Variants in KCTD8 observed in about 807,000 individuals in gnomAD.
The protein encoded by KCTD8 is potassium channel tetramerization domain containing 8, also known as BTB/POZ domain-containing protein KCTD8.
In KCTD8, 27 loss-of-function variants were observed where a neutral mutation model predicts 31.5. The observed-to-expected ratio is 0.86, with a 90% CI of 0.63 to 1.18. The LOEUF is 1.18. KCTD8 is among the 50% of genes most tolerant of loss of function. The probability of loss-of-function intolerance (pLI) is 0.00; values close to 1 mark genes in which losing one functional copy is unlikely to be tolerated. For synonymous variants in KCTD8, 290 were observed against 280.0 expected, an observed-to-expected ratio of 1.04 and a Z score of -0.36; for missense variants, 658 against 647.7, an observed-to-expected ratio of 1.02 and a Z score of -0.17.
intron 1 of KCTD8, among the ~76,000 whole-genome samples, chr4:44,182,611 G>C (rs569028529): frequency 0.017 from 2,573 of 152,008 alleles, 76 homozygotes; most frequent in African/African-American, 0.059. Flanking sequence ...AGAGTCATCA[G>C]CACTCCCTAA....
At chr4:44,263,499 T>C (rs1222854487) in intron 1 of KCTD8, among the ~76,000 whole-genome samples, 3 of 152,190 alleles carry the variant, frequency 2.0e-5, no homozygotes. Flanking sequence ...TGCATTTGTA[T>C]TGTCTACAGA....
At chr4:44,371,579 T>C (rs1346214616) in intron 1 of KCTD8, among the ~76,000 whole-genome samples, 1 of 152,166 alleles carries the variant, frequency 6.6e-6, no homozygotes, top group East Asian at 1.9e-4. Context: ...TTGGAGGCTA[T>C]TCCCAATTAA....
intron 1 of KCTD8, among the ~76,000 whole-genome samples, chr4:44,440,112 T>A (rs1721781630): frequency 6.6e-6 from 1 of 151,890 alleles, no homozygotes; most frequent in Non-Finnish European, 1.5e-5. Context: ...TTTGTATTTT[T>A]AGTAGAGATG....
At chr4:44,248,922 G>A (rs915944842) in intron 1 of KCTD8, among the ~76,000 whole-genome samples, 2 of 151,814 alleles carry the variant, frequency 1.3e-5, no homozygotes, top group East Asian at 1.9e-4. Context: ...CTCTTGTGCC[G>A]GAACCATTGC....
chr4:44,421,120 G>A (rs1721199298), intron 1 of KCTD8, among the ~76,000 whole-genome samples: 1 of 151,968 alleles, frequency 6.6e-6, no homozygotes, highest in African/African-American at 2.4e-5. Flanking sequence ...GAAAGCAAGA[G>A]GATCAGTTGT....
In KCTD8 at chr4:44,266,222, G is replaced by C. The variant is rs572224227; in HGVS notation, c.962-90972C>G. ...AGCAGAAACTCTACAAGCCAGAAGA[G>C]AGTGGGGGCCAATATTCAACATTCT... is the stretch of plus-strand genomic sequence containing the variant. On this transcript the variant is annotated intron_variant, in intron 1 of 1. Coordinates refer to ENST00000360029, the MANE Select transcript of KCTD8 (RefSeq NM_198353.3). 6.4e-3 allele frequency among the ~76,000 whole-genome samples: 978 copies of C among 152,276 alleles called. 5 individuals carry two copies. Among genetic ancestry groups the C allele is most frequent in the Non-Finnish European group, 0.011 (761 of 68,014 alleles).
At chr4:44,318,647 G>A (rs567144235) in intron 1 of KCTD8, among the ~76,000 whole-genome samples, 1 of 152,270 alleles carries the variant, frequency 6.6e-6, no homozygotes, top group South Asian at 2.1e-4. Flanking sequence ...AGAGGGCCGA[G>A]AACAGCAACT....
chr4:44,228,188 C>A (rs1412317270), intron 1 of KCTD8, among the ~76,000 whole-genome samples: 1 of 152,156 alleles, frequency 6.6e-6, no homozygotes, highest in African/African-American at 2.4e-5. Context: ...TATTTTCTCA[C>A]AATTCTCGGG....
intron 1 of KCTD8, among the ~76,000 whole-genome samples, chr4:44,243,542 T>C (rs1365456825): frequency 6.6e-6 from 1 of 152,218 alleles, no homozygotes; most frequent in Non-Finnish European, 1.5e-5. Context: ...CCTGGAAAAG[T>C]GGCCCTTCTG....
chr4:44,233,590 C>A (rs1715185039), intron 1 of KCTD8, among the ~76,000 whole-genome samples: 2 of 152,252 alleles, frequency 1.3e-5, no homozygotes, highest in South Asian at 2.1e-4. Flanking sequence ...AAGGACAGAA[C>A]CTGGCCTGCT....
At chr4:44,259,184 C>T (rs971162229) in intron 1 of KCTD8, among the ~76,000 whole-genome samples, 31 of 151,754 alleles carry the variant, frequency 2.0e-4, no homozygotes, top group African/African-American at 5.6e-4. Context: ...TCTTTCCTTT[C>T]GTCTGTTTTG....
intron 1 of KCTD8, among the ~76,000 whole-genome samples, chr4:44,245,726 T>C (rs1350469569): frequency 6.6e-6 from 1 of 151,980 alleles, no homozygotes; most frequent in African/African-American, 2.4e-5. Flanking sequence ...TTTAACATAA[T>C]TAGCATTTTT....
chr4:44,226,561 T>A (rs1714969705), intron 1 of KCTD8, among the ~76,000 whole-genome samples: 1 of 152,188 alleles, frequency 6.6e-6, no homozygotes, highest in African/African-American at 2.4e-5. Flanking sequence ...TACACAGTAA[T>A]GGGATTGCTG....
chr4:44,360,512 T>C (rs1054148142), intron 1 of KCTD8, among the ~76,000 whole-genome samples: 1 of 152,054 alleles, frequency 6.6e-6, no homozygotes, highest in African/African-American at 2.4e-5. Context: ...ATGATTTTAA[T>C]TATCACTACT....
intron 1 of KCTD8, among the ~76,000 whole-genome samples, chr4:44,318,690 A>G (rs1350276033): frequency 6.6e-6 from 1 of 152,192 alleles, no homozygotes; most frequent in Admixed American, 6.5e-5. Context: ...GAAAACAAGT[A>G]ACGTGAACAC....
At chr4:44,324,608 A>T (rs1713644259) in intron 1 of KCTD8, among the ~76,000 whole-genome samples, 1 of 152,096 alleles carries the variant, frequency 6.6e-6, no homozygotes, top group African/African-American at 2.4e-5. Flanking sequence ...ACTAATAAAT[A>T]TTAACCATAA....
intron 1 of KCTD8, among the ~76,000 whole-genome samples, chr4:44,181,481 C>A (rs192331282): frequency 1.8e-4 from 28 of 152,192 alleles, no homozygotes; most frequent in African/African-American, 6.8e-4. Context: ...CTCCTAACCG[C>A]GAGTGATCTG....
rs185120369 is a variant in KCTD8 at position 44,402,622 on chromosome 4, C to G, written c.961+44941G>C. 1.3e-3 allele frequency among the ~76,000 whole-genome samples: 194 copies of G among 152,048 alleles called. 1 individual carries two copies. Among genetic ancestry groups the G allele is most frequent in the Admixed American group, 5.4e-3 (83 of 15,266 alleles). On this transcript the variant is annotated intron_variant, in intron 1 of 1. Transcript: ENST00000360029. ...GTCTCCATCCTAGGTCCTGGGGGGG[C>G]CCTAGAAATGTATTTACACTTAGAT...
chr4:44,196,085 A>G (rs1713933393), intron 1 of KCTD8, among the ~76,000 whole-genome samples: 1 of 152,258 alleles, frequency 6.6e-6, no homozygotes, highest in East Asian at 1.9e-4. Context: ...TAGAGGCCAC[A>G]TCCTTTGTGC....
Sources: gnomAD v4.1 joint callset for allele counts (sites outside exome capture counted in the v4.1 genomes callset) on GRCh38, gnomAD v4.1.1 for gene constraint, MANE v1.5 for transcripts, NCBI Gene and HGNC (gene_info 2026-07-23, HGNC 2026-07-21) for gene names.